PHLDB2: variants seen among roughly 807,000 people sequenced by gnomAD.
The protein encoded by PHLDB2 is pleckstrin homology like domain family B member 2.
In PHLDB2, 71 loss-of-function variants were observed where a neutral mutation model predicts 123.6. The ratio of observed to expected loss-of-function variants is 0.57; its 90% CI spans 0.47 to 0.70. The LOEUF (loss-of-function observed/expected upper bound fraction) is 0.70, where lower values mean the gene tolerates loss of function less well. PHLDB2 is among the 30% of genes least tolerant of loss of function. The pLI is 0.00. For synonymous variants in PHLDB2, 547 were observed against 541.6 expected (o/e 1.01, Z -0.14); for missense variants, 1,446 against 1,519.5 (o/e 0.95, Z 0.80).
At chr3:111,936,970 A>G (rs28540159) in intron 6 of PHLDB2, among the ~76,000 whole-genome samples, 1 of 152,258 alleles carries the variant, frequency 6.6e-6, no homozygotes, top group Admixed American at 6.5e-5. Flanking sequence ...CTTTTAACTC[A>G]TTAATTCTTT....
intron 9 of PHLDB2, among the ~76,000 whole-genome samples, chr3:111,945,951 T>C (rs2070277114): frequency 6.6e-6 from 1 of 152,054 alleles, no homozygotes; most frequent in Admixed American, 6.6e-5. Flanking sequence ...CCACCAGATA[T>C]CTTAAGGAAC....
intron 2 of PHLDB2, 35 bp downstream of exon 2, chr3:111,885,447 T>G (rs1269067482): frequency 1.2e-6 from 2 of 1,613,436 alleles, no homozygotes; most frequent in South Asian, 2.2e-5. Context: ...GACCTCACTG[T>G]TTCATTAACC....
intron 2 of PHLDB2, among the ~76,000 whole-genome samples, chr3:111,886,172 AT>A (rs1395269019): frequency 6.6e-6 from 1 of 152,230 alleles, no homozygotes; most frequent in Non-Finnish European, 1.5e-5. Flanking sequence ...GATTACTTTG[AT>A]TCATTTTTGA....
At chr3:111,967,002 TTTG>T (rs2071822437) in intron 14 of PHLDB2, among the ~76,000 whole-genome samples, 1 of 152,130 alleles carries the variant, frequency 6.6e-6, no homozygotes, top group Non-Finnish European at 1.5e-5. Flanking sequence ...TTTTTTGTCT[TTTG>T]ATGGCTGTTT....
intron 3 of PHLDB2, chr3:111,916,480 A>G (rs964229116): frequency 6.6e-6 from 1 of 152,334 alleles, no homozygotes; most frequent in East Asian, 1.9e-4. Context: ...AACAAAGTAC[A>G]ATGTTAATAA....
chr3:111,968,719 A>G (rs2071971595), intron 15 of PHLDB2, among the ~76,000 whole-genome samples: 1 of 152,240 alleles, frequency 6.6e-6, no homozygotes, highest in Non-Finnish European at 1.5e-5. Context: ...CAACCAAAGT[A>G]CCACATAATC....
chr3:111,947,891 A>G (rs962870445), intron 9 of PHLDB2, among the ~76,000 whole-genome samples: 7 of 152,328 alleles, frequency 4.6e-5, no homozygotes, highest in Middle Eastern at 3.4e-3. Flanking sequence ...TAAAATTTGT[A>G]AAAGGATTGA....
At position 111,897,251 on chromosome 3, in the gene PHLDB2, G is replaced by A. The variant is rs941535200; in HGVS notation, c.1335+11839G>A. ...AATTGGGCAGGTTGTTGCAGTCACT[G>A]GTTCATCAGGTTTAAGACTAGGATA... On this transcript the variant is annotated intron_variant, in intron 2 of 17. Coordinates refer to ENST00000431670, the MANE Select transcript of PHLDB2 (RefSeq NM_001134438.2). 6.6e-5 allele frequency among the ~76,000 whole-genome samples: 10 copies of A among 152,316 alleles called. No individual in the cohort carries two copies. In the South Asian group the frequency reaches 1.2e-3, roughly 19 times the overall value.
In PHLDB2 at chr3:111,919,084, A is replaced by G. The variant is rs117785946; in HGVS notation, c.1732A>G (p.Ile578Val). The change falls in exon 4 of 18, where the codon ATA (isoleucine) becomes GTA (valine). Residue 578 changes from isoleucine to valine, a missense_variant. Physicochemically the swap from Ile to Val is conservative, Grantham distance 29. This residue lies in a region of PHLDB2 where 832 missense variants were observed against 831.9 expected (regional missense o/e 1.00). Transcript: ENST00000431670. ...LSILPKTPEG[I>V]SEEQRSQELA... Reference sequence around the variant, plus strand: ...TGATTAATCGCAGACCCCAGAGGGTATAAGTGAAGAACAGAGATCTCAGGA... The same window carrying G: ...TGATTAATCGCAGACCCCAGAGGGTGTAAGTGAAGAACAGAGATCTCAGGA... 2.0e-4 allele frequency: 316 copies of G among 1,613,890 alleles called. 1 individual carries two copies. The East Asian group carries it at 6.6e-3, about 34-fold the overall frequency.
upstream of PHLDB2, among the ~76,000 whole-genome samples, chr3:111,857,582 A>T (rs73226400): frequency 0.064 from 9,707 of 152,268 alleles, 431 homozygotes; most frequent in Non-Finnish European, 0.1. Flanking sequence ...ACATTGCTGG[A>T]GCACTTAACT....
At position 111,884,704 on chromosome 3, in the gene PHLDB2, G is replaced by A. The variant is rs1364193869; in HGVS notation, c.627G>A (p.Arg209=). The change falls in exon 2 of 18, where the codon AGG becomes AGA. Residue 209 remains arginine, a synonymous_variant. Coordinates refer to ENST00000431670, the MANE Select transcript of PHLDB2 (RefSeq NM_001134438.2). Reference sequence around the variant, plus strand: ...TGCCTTCAAGCCCAAAGCAAGCCAGGAAAATGAGCATTCAGGACAGCCTGG... The same window carrying A: ...TGCCTTCAAGCCCAAAGCAAGCCAGAAAAATGAGCATTCAGGACAGCCTGG... The part of the protein sequence containing the change: ...ASMPSSPKQA[R]KMSIQDSLAL... 1 of 1,613,984 alleles carries A rather than the reference G, an allele frequency of 6.2e-7. No individual in the cohort carries two copies. The highest frequency in any genetic ancestry group is 8.5e-7 in the Non-Finnish European group (1 of 1,180,024).
intron 2 of PHLDB2, among the ~76,000 whole-genome samples, chr3:111,889,799 G>A (rs2066375202): frequency 6.6e-6 from 1 of 152,048 alleles, no homozygotes; most frequent in Non-Finnish European, 1.5e-5. Context: ...CTAACTACTT[G>A]ATAATCTCTA....
chr3:111,810,162 T>C (rs777915198), intron 1 of PHLDB2, among the ~76,000 whole-genome samples: 8 of 152,056 alleles, frequency 5.3e-5, no homozygotes, highest in Non-Finnish European at 1.0e-4. Context: ...TTAAGCCAAA[T>C]GCAAGGTGAC....
At chr3:111,968,460 T>A (rs1469841625) in intron 15 of PHLDB2, among the ~76,000 whole-genome samples, 2 of 152,230 alleles carry the variant, frequency 1.3e-5, no homozygotes, top group African/African-American at 4.8e-5. Flanking sequence ...ATCATAGAAT[T>A]TGAATCTCTG....
At chr3:111,902,368 G>C (rs1298209527) in intron 2 of PHLDB2, among the ~76,000 whole-genome samples, 1 of 152,146 alleles carries the variant, frequency 6.6e-6, no homozygotes, top group East Asian at 1.9e-4. Flanking sequence ...CAAGGTGGGA[G>C]GATCACTTGA....
At chr3:111,859,661 C>G (rs1291394440) in intron 1 of PHLDB2, 85 bp downstream of exon 1, 1 of 985,202 alleles carries the variant, frequency 1.0e-6, no homozygotes, top group Non-Finnish European at 1.2e-6. Flanking sequence ...CGCTGCCTCC[C>G]CCGCGGCCGA....
chr3:111,877,234 G>A lies in PHLDB2; in HGVS notation c.-14-6830G>A, dbSNP rs2065678517. 2.0e-5 allele frequency among the ~76,000 whole-genome samples: 3 copies of A among 152,214 alleles called. No homozygotes were observed. In the South Asian group the frequency reaches 6.2e-4, roughly 32 times the overall value. ...CTCCACATCCTCTCCAACATCTGTT[G>A]TTTCCTGACTTTTTAATGATTGCCT... On this transcript the variant is annotated intron_variant, in intron 1 of 17. Transcript: ENST00000431670.
chr3:111,834,865 T>C (rs776521199), intron 1 of PHLDB2, among the ~76,000 whole-genome samples: 5 of 152,142 alleles, frequency 3.3e-5, no homozygotes, highest in Admixed American at 6.6e-5. Flanking sequence ...TTTTAGACCC[T>C]AACATTCTTG....
chr3:111,846,027 A>G (rs924693186), intron 2 of PHLDB2: 1 of 1,305,808 alleles, frequency 7.7e-7, no homozygotes, highest in East Asian at 2.5e-5. Context: ...TTTCAAGCAT[A>G]TACCCAGGAG....
Sources: gnomAD v4.1 joint callset for allele counts (sites outside exome capture counted in the v4.1 genomes callset) on GRCh38, gnomAD v4.1.1 for gene constraint, gnomAD v4.1.1 regional missense constraint, MANE v1.5 for transcripts, NCBI Gene and HGNC (gene_info 2026-07-23, HGNC 2026-07-21) for gene names.